SIPA1L3: variants seen among roughly 807,000 people sequenced by gnomAD.
SIPA1L3 encodes signal-induced proliferation-associated 1-like protein 3.
In SIPA1L3, 59 loss-of-function variants were observed where a neutral mutation model predicts 150.1. The observed-to-expected ratio is 0.39, with a 90% CI of 0.32 to 0.49. The LOEUF (loss-of-function observed/expected upper bound fraction) is 0.49, where lower values mean the gene tolerates loss of function less well. SIPA1L3 is among the 20% of genes least tolerant of loss of function. The pLI is 0.86. For synonymous variants in SIPA1L3, 1,070 were observed against 1,077.6 expected (o/e 0.99, Z 0.14); for missense variants, 2,211 against 2,489.5 (o/e 0.89, Z 2.38).
intron 1 of SIPA1L3, among the ~76,000 whole-genome samples, chr19:37,974,776 A>G (rs867869558): frequency 3.9e-5 from 6 of 152,124 alleles, no homozygotes; most frequent in Non-Finnish European, 7.4e-5. Context: ...CCCTTCCCCA[A>G]CAGCACCATC....
intron 16 of SIPA1L3, among the ~76,000 whole-genome samples, chr19:38,188,413 G>GGT (rs1972734594): frequency 2.0e-5 from 3 of 151,622 alleles, no homozygotes; most frequent in Non-Finnish European, 2.9e-5. Context: ...TCGAACTCCT[G>GGT]ACCTCAAGTG....
Position 38,082,359 on chromosome 19 carries a change from A to G in SIPA1L3, c.794A>G (p.Gln265Arg). Residue 265 changes from glutamine (Q) to arginine (R), a missense_variant, in exon 3 of 22, where the codon CAG (glutamine) becomes CGG (arginine). This residue lies in a region of SIPA1L3 where 587 missense variants were observed against 534.5 expected (regional missense o/e 1.10). Coordinates refer to ENST00000222345, the MANE Select transcript of SIPA1L3 (RefSeq NM_015073.3). ...GCCAAGGGGGACTCCCACAACGGGC[A>G]GCCCGCCAAGGACAGCCTCCTGCCA... ...GGAKGDSHNG[Q>R]PAKDSLLPLQ... 1 of 1,597,474 alleles carries G rather than the reference A, an allele frequency of 6.3e-7. No individual in the cohort carries two copies. Among genetic ancestry groups the G allele is most frequent in the South Asian group, 1.1e-5 (1 of 90,804 alleles).
At position 38,010,699 on chromosome 19, in the gene SIPA1L3, G is replaced by A. The variant is rs148627659; in HGVS notation, c.-378-18390G>A. Among the ~76,000 whole-genome samples, 488 of 152,204 alleles carry A rather than the reference G, an allele frequency of 3.2e-3. 2 individuals carry two copies. Among genetic ancestry groups the A allele is most frequent in the African/African-American group, 0.011 (451 of 41,538 alleles). On this transcript the variant is annotated intron_variant, in intron 1 of 21. Coordinates refer to ENST00000222345, the MANE Select transcript of SIPA1L3 (RefSeq NM_015073.3). ...GCACTCCAGCCCGGGCAACAAGAGC[G>A]AAACTCTGTCTAAAAAACAAAACAA... is the stretch of plus-strand genomic sequence containing the variant.
chr19:38,036,892 C>T (rs1181206209), intron 2 of SIPA1L3, among the ~76,000 whole-genome samples: 1 of 152,108 alleles, frequency 6.6e-6, no homozygotes, highest in African/African-American at 2.4e-5. Context: ...CAGAAGGGGA[C>T]GGAGAGGTGC....
chr19:38,056,015 C>T (rs958835261), intron 2 of SIPA1L3, among the ~76,000 whole-genome samples: 2 of 152,264 alleles, frequency 1.3e-5, no homozygotes, highest in Admixed American at 1.3e-4. Flanking sequence ...ACCTCTCTCC[C>T]TCCCGCTCGA....
At chr19:38,011,179 T>C (rs1008257559) in intron 1 of SIPA1L3, among the ~76,000 whole-genome samples, 1 of 152,136 alleles carries the variant, frequency 6.6e-6, no homozygotes, top group African/African-American at 2.4e-5. Context: ...CAAGACATAA[T>C]AAAGCAATCA....
At chr19:38,197,464 C>T (rs1972985658) in intron 18 of SIPA1L3, among the ~76,000 whole-genome samples, 1 of 152,056 alleles carries the variant, frequency 6.6e-6, no homozygotes, top group Non-Finnish European at 1.5e-5. Flanking sequence ...CTCAGCGTGT[C>T]ATACCTGAAC....
chr19:37,953,916 C>T (rs2046786260), intron 1 of SIPA1L3, among the ~76,000 whole-genome samples: 1 of 152,150 alleles, frequency 6.6e-6, no homozygotes, highest in Non-Finnish European at 1.5e-5. Context: ...TGCTTGCATC[C>T]TCCCCAAAAG....
Position 38,039,120 on chromosome 19 carries a change from C to A in SIPA1L3, c.-311+9964C>A, listed in dbSNP as rs368791128. 9.9e-4 allele frequency among the ~76,000 whole-genome samples: 151 copies of A among 152,142 alleles called. 2 individuals carry two copies. In the East Asian group the frequency reaches 0.019, roughly 20 times the overall value. On this transcript the variant is annotated intron_variant, in intron 2 of 21. Coordinates refer to ENST00000222345, the MANE Select transcript of SIPA1L3 (RefSeq NM_015073.3). Reference sequence around the variant, plus strand: ...GTGGTCTCGAACTCCTGAGCTCAGACAATCCACCTGCCTTGGCCTCCCAAA... The same window carrying A: ...GTGGTCTCGAACTCCTGAGCTCAGAAAATCCACCTGCCTTGGCCTCCCAAA...
intron 10 of SIPA1L3, among the ~76,000 whole-genome samples, chr19:38,132,782 G>A (rs1400836886): frequency 6.6e-6 from 1 of 151,314 alleles, no homozygotes; most frequent in Non-Finnish European, 1.5e-5. Context: ...TGAGTAGCTG[G>A]GATTACAGGC....
At chr19:38,103,492 G>T (rs923554277) in intron 6 of SIPA1L3, among the ~76,000 whole-genome samples, 1 of 151,896 alleles carries the variant, frequency 6.6e-6, no homozygotes, top group Non-Finnish European at 1.5e-5. Context: ...ACCAGGTGTG[G>T]TGGCACATGC....
rs368150176 is a variant in SIPA1L3, at chr19:37,929,302, G to T, written c.-379+21944G>T. Among the ~76,000 whole-genome samples, 23 of 152,350 alleles carry T rather than the reference G, an allele frequency of 1.5e-4. 1 individual carries two copies. The South Asian group carries it at 4.8e-3, about 32-fold the overall frequency. On this transcript the variant is annotated intron_variant, in intron 1 of 21. Transcript: ENST00000222345. ...ACCATTTAGGAAAGGACTGGGAAAG[G>T]GGGAGGGATATTGGGTAGGCAGACA...
chr19:38,142,805 C>T, intron 12 of SIPA1L3, 95 bp downstream of exon 12: 1 of 1,449,558 alleles, frequency 6.9e-7, no homozygotes. Context: ...ATTCTAGTTG[C>T]CATTTTATGG....
At chr19:38,140,026 CT>C (rs1971535118) in intron 10 of SIPA1L3, among the ~76,000 whole-genome samples, 1 of 152,214 alleles carries the variant, frequency 6.6e-6, no homozygotes, top group African/African-American at 2.4e-5. Flanking sequence ...CAACACGTGA[CT>C]TTTGGGGGAA....
chr19:38,146,685 G>A (rs1971709080), intron 12 of SIPA1L3, among the ~76,000 whole-genome samples: 1 of 152,172 alleles, frequency 6.6e-6, no homozygotes, highest in African/African-American at 2.4e-5. Flanking sequence ...CCCACCAGCA[G>A]AGCGTGAGTG....
At chr19:38,201,651 G>A (rs1057258084) in intron 19 of SIPA1L3, among the ~76,000 whole-genome samples, 3 of 152,310 alleles carry the variant, frequency 2.0e-5, no homozygotes, top group South Asian at 2.1e-4. Flanking sequence ...CGAAAGCCTC[G>A]ATCGGAATCA....
chr19:38,179,924 C>A (rs1972521098), intron 15 of SIPA1L3, among the ~76,000 whole-genome samples: 1 of 152,040 alleles, frequency 6.6e-6, no homozygotes, highest in African/African-American at 2.4e-5. Flanking sequence ...CTCACTGCAA[C>A]CTCTGCCTCC....
chr19:38,056,953 C>A (rs1969330716), intron 2 of SIPA1L3, among the ~76,000 whole-genome samples: 1 of 151,948 alleles, frequency 6.6e-6, no homozygotes, highest in Non-Finnish European at 1.5e-5. Context: ...CAGCTACTGA[C>A]AGAATGAGAC....
At chr19:38,090,127 C>T (rs990911873) in intron 4 of SIPA1L3, among the ~76,000 whole-genome samples, 12 of 151,886 alleles carry the variant, frequency 7.9e-5, no homozygotes, top group African/African-American at 2.4e-4. Context: ...GTCAGGAGTT[C>T]GAGACCAGCC....
Sources: allele counts gnomAD v4.1 joint callset (sites outside exome capture counted in the v4.1 genomes callset), GRCh38; gene constraint gnomAD v4.1.1; regional missense constraint gnomAD v4.1.1; transcripts MANE v1.5; gene names NCBI Gene and HGNC (gene_info 2026-07-23, HGNC 2026-07-21).